The following ARHGAP28 variants were observed in gnomAD, a reference collection of about 807,000 sequenced individuals.
The protein encoded by ARHGAP28 is Rho GTPase activating protein 28, also known as rho GTPase-activating protein 28.
A neutral mutation model predicts 90.7 loss-of-function variants in ARHGAP28; 56 were observed. The ratio of observed to expected loss-of-function variants is 0.62; its 90% CI spans 0.50 to 0.77. The LOEUF is 0.77. Ranked by LOEUF, ARHGAP28 falls within the 30% of genes least tolerant of loss-of-function variation. The pLI is 0.00. For missense variants in ARHGAP28, 869 were observed against 900.9 expected, an observed-to-expected ratio of 0.96 and a Z score of 0.45; for synonymous variants, 308 against 323.3, an observed-to-expected ratio of 0.95 and a Z score of 0.51.
chr18:6,821,302 C>T (rs996412596), intron 1 of ARHGAP28, among the ~76,000 whole-genome samples: 3 of 152,172 alleles, frequency 2.0e-5, no homozygotes, highest in Non-Finnish European at 2.9e-5. Context: ...TGATAATTAT[C>T]GTACACTTGA....
intron 1 of ARHGAP28, among the ~76,000 whole-genome samples, chr18:6,776,825 A>G (rs568442110): frequency 1.2e-4 from 18 of 152,280 alleles, no homozygotes; most frequent in African/African-American, 3.9e-4. Flanking sequence ...AACCGCTATA[A>G]TATCTTGTTC....
At chr18:6,884,062 G>A (rs2057200468) in intron 11 of ARHGAP28, among the ~76,000 whole-genome samples, 1 of 152,044 alleles carries the variant, frequency 6.6e-6, no homozygotes, top group African/African-American at 2.4e-5. Flanking sequence ...TTGAGCACAG[G>A]TACAATAGCT....
chr18:6,752,230 C>A (rs1341198008), intron 1 of ARHGAP28, among the ~76,000 whole-genome samples: 1 of 152,096 alleles, frequency 6.6e-6, no homozygotes, highest in East Asian at 1.9e-4. Context: ...TTTTATTAAT[C>A]CTCATTGCTA....
intron 1 of ARHGAP28, among the ~76,000 whole-genome samples, chr18:6,743,628 C>A (rs1210051391): frequency 6.6e-6 from 1 of 152,104 alleles, no homozygotes; most frequent in African/African-American, 2.4e-5. Context: ...ATCAAACTGG[C>A]AACAATTGTA....
At chr18:6,891,583 C>A (rs1218059420) in intron 14 of ARHGAP28, among the ~76,000 whole-genome samples, 1 of 151,670 alleles carries the variant, frequency 6.6e-6, no homozygotes, top group African/African-American at 2.4e-5. Flanking sequence ...TGTGTCCTTC[C>A]TGGAGCTACA....
At chr18:6,761,437 A>C (rs981856480) in intron 1 of ARHGAP28, among the ~76,000 whole-genome samples, 1 of 152,188 alleles carries the variant, frequency 6.6e-6, no homozygotes, top group Non-Finnish European at 1.5e-5. Flanking sequence ...TTATGTGCAC[A>C]CGTATCTCAC....
chr18:6,833,861 G>C (rs1246462358), intron 2 of ARHGAP28, among the ~76,000 whole-genome samples: 3 of 152,068 alleles, frequency 2.0e-5, no homozygotes, highest in Non-Finnish European at 4.4e-5. Flanking sequence ...TGGACTCCTG[G>C]TTTATTTAGT....
At chr18:6,776,121 G>GA (rs2056281392) in intron 1 of ARHGAP28, among the ~76,000 whole-genome samples, 2 of 152,010 alleles carry the variant, frequency 1.3e-5, no homozygotes, top group Non-Finnish European at 2.9e-5. Context: ...GAAATTTTAG[G>GA]AAAAAAATAA....
rs372718131 is a variant in ARHGAP28 at position 6,843,360 on chromosome 18, A to G, written c.543+5946A>G. Among the ~76,000 whole-genome samples the G allele has an allele frequency of 3.0e-4, 45 of 151,866 alleles. No homozygotes were observed. In the East Asian group the frequency reaches 8.6e-3, roughly 29 times the overall value. On this transcript the variant is annotated intron_variant, in intron 3 of 17. Transcript: ENST00000383472. ...CTCTTTGTTCTGAAAAATATTTTCC[A>G]GTTACTTTGGTTCTTCTGAGTGGGG...
chr18:6,881,637 G>A (rs977808630), intron 10 of ARHGAP28, among the ~76,000 whole-genome samples: 12 of 152,232 alleles, frequency 7.9e-5, no homozygotes, highest in Non-Finnish European at 2.9e-5. Flanking sequence ...CCAGGAAGAT[G>A]TCATAGGTTT....
intron 6 of ARHGAP28, among the ~76,000 whole-genome samples, chr18:6,869,774 A>T (rs1415186333): frequency 3.9e-5 from 6 of 152,186 alleles, no homozygotes; most frequent in Admixed American, 3.9e-4. Context: ...GCAAAAGAGA[A>T]TGAGTTCTTT....
At chr18:6,769,282 AT>A (rs1412755411) in intron 1 of ARHGAP28, among the ~76,000 whole-genome samples, 1 of 152,014 alleles carries the variant, frequency 6.6e-6, no homozygotes, top group Non-Finnish European at 1.5e-5. Context: ...CTGTTTCCCA[AT>A]CATCTTTCAC....
chr18:6,869,585 C>T (rs945164779), intron 6 of ARHGAP28, among the ~76,000 whole-genome samples: 16 of 152,042 alleles, frequency 1.1e-4, no homozygotes, highest in South Asian at 2.1e-4. Flanking sequence ...TCTAAGTTCT[C>T]GCTGCACTCA....
In ARHGAP28 at chr18:6,858,596, C is replaced by T. The variant is rs1480169783; in HGVS notation, c.637-1212C>T. Among the ~76,000 whole-genome samples the T allele has an allele frequency of 5.3e-5, 8 of 150,852 alleles. No individual in the cohort carries two copies. The East Asian group carries it at 7.8e-4, about 15-fold the overall frequency. On this transcript the variant is annotated intron_variant, in intron 4 of 17. Transcript: ENST00000383472. The stretch of plus-strand genomic sequence containing the variant: ...TTTGCTCTTGTCGCCCAGTTTGGAG[C>T]GCAATGGCACAATCTTGGCTCACTG...
intron 2 of ARHGAP28, 45 bp from the exon 3 acceptor site, chr18:6,837,152 A>G (rs1193763924): frequency 7.1e-7 from 1 of 1,413,072 alleles, no homozygotes; most frequent in South Asian, 1.2e-5. Context: ...GCATCCAATC[A>G]TACAGAAAAT....
intron 1 of ARHGAP28, among the ~76,000 whole-genome samples, chr18:6,815,274 A>G (rs1039853179): frequency 2.0e-5 from 3 of 152,202 alleles, no homozygotes; most frequent in African/African-American, 7.2e-5. Context: ...ATCATTTCCT[A>G]CCTCTGACTG....
chr18:6,739,831 A>G (rs992668742), intron 1 of ARHGAP28, among the ~76,000 whole-genome samples: 1 of 150,526 alleles, frequency 6.6e-6, no homozygotes. Context: ...CATTCCTTGC[A>G]GTATGATTTA....
At chr18:6,786,731 A>G (rs1449897920) in intron 1 of ARHGAP28, among the ~76,000 whole-genome samples, 1 of 152,210 alleles carries the variant, frequency 6.6e-6, no homozygotes, top group African/African-American at 2.4e-5. Flanking sequence ...AAAGCTTTTA[A>G]AACTATTTGC....
chr18:6,912,983 G>C lies in ARHGAP28; in HGVS notation c.*829G>C, dbSNP rs1165355465. The C allele has an allele frequency of 6.6e-6, 1 of 152,130 alleles. No homozygotes were observed. Among genetic ancestry groups the C allele is most frequent in the Admixed American group, 6.5e-5 (1 of 15,270 alleles). The allele number at this position is 152,130 out of a possible 1,614,324, so 9.4% of individuals were successfully genotyped here. Reference sequence around the variant, plus strand: ...CAGTATCTTTCCAAGTGCCAGGCACGGGCTTCCTTTTCTGATCAAACATAC... The same window carrying C: ...CAGTATCTTTCCAAGTGCCAGGCACCGGCTTCCTTTTCTGATCAAACATAC... On this transcript the variant is annotated 3_prime_UTR_variant, in exon 18 of 18. Coordinates refer to ENST00000383472, the MANE Select transcript of ARHGAP28 (RefSeq NM_001366230.1).
Sources: allele counts gnomAD v4.1 joint callset (sites outside exome capture counted in the v4.1 genomes callset), GRCh38; gene constraint gnomAD v4.1.1; transcripts MANE v1.5; gene names NCBI Gene and HGNC (gene_info 2026-07-23, HGNC 2026-07-21).